Variants in RBM19 observed in about 807,000 individuals in gnomAD.
RBM19 encodes RNA binding motif protein 19, also known as probable RNA-binding protein 19.
In RBM19, 94 loss-of-function variants were observed where a neutral mutation model predicts 116.8. The ratio of observed to expected loss-of-function variants is 0.80; its 90% CI spans 0.68 to 0.95. The LOEUF is 0.95. Among genes scored for constraint, RBM19 ranks in the 40% least tolerant of loss-of-function variants. The probability of loss-of-function intolerance (pLI) is 0.00; values close to 1 mark genes in which losing one functional copy is unlikely to be tolerated. For synonymous variants in RBM19, 475 were observed against 494.1 expected, an observed-to-expected ratio of 0.96 and a Z score of 0.51; for missense variants, 1,161 against 1,220.7, an observed-to-expected ratio of 0.95 and a Z score of 0.73.
chr12:113,875,148 G>A (rs1467336400), intron 21 of RBM19, among the ~76,000 whole-genome samples: 1 of 152,272 alleles, frequency 6.6e-6, no homozygotes, highest in African/African-American at 2.4e-5. Context: ...TCAGGGGACA[G>A]GGAGCACGGG....
rs114355105 is a variant in RBM19, at chr12:113,874,234, C to T, written c.2559-15338G>A. On this transcript the variant is annotated intron_variant, in intron 21 of 23. Transcript: ENST00000261741. ...CCAGAACAGTTCCAACAGCACCTGG[C>T]ACACAGTAGGTGCCCACTAAAAAGT... Among the ~76,000 whole-genome samples the T allele has an allele frequency of 6.8e-3, 1,033 of 152,336 alleles. 9 individuals are homozygous for T. The highest frequency in any genetic ancestry group is 0.02 in the African/African-American group (824 of 41,568).
At chr12:113,951,080 T>A (rs565118841) in intron 8 of RBM19, among the ~76,000 whole-genome samples, 1 of 152,312 alleles carries the variant, frequency 6.6e-6, no homozygotes, top group South Asian at 2.1e-4. Context: ...TTTTTCTTTT[T>A]GAGATTGGGT....
At chr12:113,942,562 T>C (rs1870670887) in intron 13 of RBM19, 128 bp from the exon 14 acceptor site, 1 of 645,016 alleles carries the variant, frequency 1.6e-6, no homozygotes, top group East Asian at 2.9e-5. Flanking sequence ...CTCACCTTCC[T>C]ACATTGATCA....
At chr12:113,895,035 A>C (rs989394994) in intron 21 of RBM19, among the ~76,000 whole-genome samples, 5 of 152,230 alleles carry the variant, frequency 3.3e-5, no homozygotes, top group Admixed American at 3.3e-4. Context: ...AACTTCACTC[A>C]TCAAGGCTTC....
chr12:113,949,054 C>G lies in RBM19; in HGVS notation c.1073-18G>C. On this transcript the variant is annotated intron_variant, in intron 9 of 23. Transcript: ENST00000261741. ...GCGCCCACCTGCAATGAAGAGGAGT[C>G]AGGGCTCCAGGGGGAGGCCTAGAAC... 6.2e-7 allele frequency: 1 copy of G among 1,602,338 alleles called. No individual in the cohort carries two copies. The highest frequency in any genetic ancestry group is 2.2e-5 in the East Asian group (1 of 44,706).
At chr12:113,824,239 CA>C (rs1483650410) in intron 23 of RBM19, among the ~76,000 whole-genome samples, 1 of 152,182 alleles carries the variant, frequency 6.6e-6, no homozygotes, top group East Asian at 1.9e-4. Context: ...GGTCTGAAGT[CA>C]CTCAGCTAAG....
chr12:113,952,275 T>G (rs1283540814), intron 8 of RBM19, among the ~76,000 whole-genome samples: 2 of 151,954 alleles, frequency 1.3e-5, no homozygotes, highest in Non-Finnish European at 2.9e-5. Flanking sequence ...AAGGCTAAGA[T>G]GAGGAAGGGA....
At chr12:113,840,380 A>G (rs1876356658) in intron 23 of RBM19, among the ~76,000 whole-genome samples, 1 of 152,316 alleles carries the variant, frequency 6.6e-6, no homozygotes, top group African/African-American at 2.4e-5. Context: ...ATCCAGGGCC[A>G]TATCAGCATC....
intron 21 of RBM19, among the ~76,000 whole-genome samples, chr12:113,908,353 C>G (rs1210422723): frequency 6.6e-6 from 1 of 151,924 alleles, no homozygotes; most frequent in Non-Finnish European, 1.5e-5. Context: ...CATGAGTGAG[C>G]AAGCTGTCCT....
chr12:113,927,913 T>C (rs1025328114), intron 16 of RBM19, among the ~76,000 whole-genome samples: 1 of 152,200 alleles, frequency 6.6e-6, no homozygotes, highest in Non-Finnish European at 1.5e-5. Flanking sequence ...AAATATGTAG[T>C]CATTAAAAAT....
chr12:113,900,184 G>A (rs1460125150), intron 21 of RBM19, among the ~76,000 whole-genome samples: 1 of 152,196 alleles, frequency 6.6e-6, no homozygotes, highest in Non-Finnish European at 1.5e-5. Context: ...ACAACGGCAA[G>A]AAAACCCTTC....
chr12:113,962,298 G>C lies in RBM19; in HGVS notation c.153C>G (p.Ser51=). 6.2e-7 allele frequency: 1 copy of C among 1,614,214 alleles called. No homozygotes were observed. The highest frequency in any genetic ancestry group is 8.5e-7 in the Non-Finnish European group (1 of 1,180,040). Residue 51 remains serine (S), a synonymous_variant, in exon 2 of 24, where the codon TCC becomes TCG. Transcript: ENST00000261741. ...FRKFGFIGFK[S]EEEAQKAQKH... ...TCTGTGCCTTCTGGGCCTCTTCCTC[G>C]GACTTGAAGCCAATAAAACCAAACT...
chr12:113,858,717 C>G lies in RBM19; in HGVS notation c.2664+74G>C, dbSNP rs112209023. The G allele has an allele frequency of 6.5e-3, 9,282 of 1,426,338 alleles. 475 individuals carry two copies. In the African/African-American group the frequency reaches 0.11, roughly 17 times the overall value. The allele number at this position is 1,426,338 out of a possible 1,614,324, so 88.4% of individuals were successfully genotyped here. ...GAGGTGACTCTGTGTGTGTTAGAGG[C>G]CTGGCTGTCTCTCCTACAATGGGTA... is the stretch of plus-strand genomic sequence containing the variant. On this transcript the variant is annotated intron_variant, in intron 22 of 23. Coordinates refer to ENST00000261741, the MANE Select transcript of RBM19 (RefSeq NM_016196.4).
At chr12:113,963,466 C>T (rs1872656461) in intron 1 of RBM19, among the ~76,000 whole-genome samples, 1 of 152,190 alleles carries the variant, frequency 6.6e-6, no homozygotes, top group South Asian at 2.1e-4. Flanking sequence ...GAGGCCTTGG[C>T]AGTCCAGCCA....
intron 22 of RBM19, among the ~76,000 whole-genome samples, chr12:113,855,899 A>T (rs1169846314): frequency 2.6e-5 from 4 of 152,234 alleles, no homozygotes; most frequent in Non-Finnish European, 5.9e-5. Context: ...CTCAGAAGAC[A>T]ATAAAGTTCT....
chr12:113,902,814 G>A lies in RBM19; in HGVS notation c.2558+12155C>T, dbSNP rs183805027. 2.0e-4 allele frequency among the ~76,000 whole-genome samples: 31 copies of A among 152,228 alleles called. 1 individual carries two copies. Among genetic ancestry groups the A allele is most frequent in the African/African-American group, 7.5e-4 (31 of 41,528 alleles). The stretch of plus-strand genomic sequence containing the variant: ...TTTCCTACTGAAAGACATTTGGGTT[G>A]TTTCCAAGTTTTGGCTATTTATGCA... On this transcript the variant is annotated intron_variant, in intron 21 of 23. Transcript: ENST00000261741.
chr12:113,912,664 A>G (rs771766310), intron 21 of RBM19, among the ~76,000 whole-genome samples: 1 of 152,256 alleles, frequency 6.6e-6, no homozygotes, highest in Non-Finnish European at 1.5e-5. Flanking sequence ...ATTCAAGCTC[A>G]GAGCCCCGCA....
At chr12:113,893,375 C>T (rs904141260) in intron 21 of RBM19, among the ~76,000 whole-genome samples, 1 of 152,166 alleles carries the variant, frequency 6.6e-6, no homozygotes, top group African/African-American at 2.4e-5. Context: ...AGCAATCCGC[C>T]CGCCTTGCCC....
At chr12:113,871,015 A>G (rs1879167290) in intron 21 of RBM19, among the ~76,000 whole-genome samples, 1 of 152,214 alleles carries the variant, frequency 6.6e-6, no homozygotes, top group African/African-American at 2.4e-5. Flanking sequence ...TTCCTCTTGC[A>G]GGGCACAAAT....
Sources: gnomAD v4.1 joint callset for allele counts (sites outside exome capture counted in the v4.1 genomes callset) on GRCh38, gnomAD v4.1.1 for gene constraint, MANE v1.5 for transcripts, NCBI Gene and HGNC (gene_info 2026-07-23, HGNC 2026-07-21) for gene names.